ADAMTS2: variants seen among roughly 807,000 people sequenced by gnomAD.
ADAMTS2 encodes the protein A disintegrin and metalloproteinase with thrombospondin motifs 2.
In ADAMTS2, 50 loss-of-function variants were observed where a neutral mutation model predicts 123.0. That is an observed-to-expected ratio of 0.41 (90% CI 0.32 to 0.51). ADAMTS2 has a LOEUF of 0.51. Ranked by LOEUF, ADAMTS2 falls within the 20% of genes least tolerant of loss-of-function variation. The pLI, the probability that ADAMTS2 is intolerant of heterozygous loss-of-function variation, is 0.35. For missense variants in ADAMTS2, 1,494 were observed against 1,705.2 expected, an observed-to-expected ratio of 0.88 and a Z score of 2.18; for synonymous variants, 678 against 695.4, an observed-to-expected ratio of 0.98 and a Z score of 0.39.
chr5:179,219,366 G>A (rs575448242), intron 3 of ADAMTS2, among the ~76,000 whole-genome samples: 1 of 152,190 alleles, frequency 6.6e-6, no homozygotes, highest in Non-Finnish European at 1.5e-5. Flanking sequence ...GCAACCACGA[G>A]AGTCCTGTGT....
chr5:179,283,743 T>C (rs1434279105), intron 2 of ADAMTS2, among the ~76,000 whole-genome samples: 2 of 151,158 alleles, frequency 1.3e-5, no homozygotes, highest in African/African-American at 4.9e-5. Flanking sequence ...AATACAAAAT[T>C]AGCCAGACGT....
rs762961509 is a variant in ADAMTS2, at chr5:179,115,773, A to G, written c.3179-1449T>C. ...TCTGACAGTTATCCCATACACCAAC[A>G]TATGACACAATCTACACCTGAAGCT... On this transcript the variant is annotated intron_variant, in intron 21 of 21. Coordinates refer to ENST00000251582, the MANE Select transcript of ADAMTS2 (RefSeq NM_014244.5). This position sits in a 1 kb window ranked among gnomAD's most constrained non-coding sequence, Gnocchi z 4.4. 7.9e-5 allele frequency among the ~76,000 whole-genome samples: 12 copies of G among 151,768 alleles called. 1 individual carries two copies. Among genetic ancestry groups the G allele is most frequent in the Non-Finnish European group, 1.8e-4 (12 of 67,912 alleles).
At chr5:179,329,959 T>C (rs537427643) in intron 2 of ADAMTS2, among the ~76,000 whole-genome samples, 1 of 151,396 alleles carries the variant, frequency 6.6e-6, no homozygotes, top group Admixed American at 6.6e-5. Context: ...ACCCCGTCTC[T>C]ACTAAAAATA....
chr5:179,328,194 G>A (rs921408168), intron 2 of ADAMTS2, among the ~76,000 whole-genome samples: 19 of 152,260 alleles, frequency 1.2e-4, no homozygotes, highest in South Asian at 4.1e-4. Flanking sequence ...CACCACGCCC[G>A]GCTAATTTTT....
At chr5:179,137,416 C>A (rs1376500740) in intron 12 of ADAMTS2, among the ~76,000 whole-genome samples, 1 of 152,266 alleles carries the variant, frequency 6.6e-6, no homozygotes, top group Non-Finnish European at 1.5e-5. Context: ...CACCAGATTC[C>A]TTGGCAGGGT....
chr5:179,270,221 G>A (rs186212075), intron 3 of ADAMTS2, among the ~76,000 whole-genome samples: 15 of 152,214 alleles, frequency 9.9e-5, no homozygotes, highest in Admixed American at 9.1e-4. Context: ...AGATCACCCT[G>A]AGCAGCCCGT....
intron 5 of ADAMTS2, among the ~76,000 whole-genome samples, chr5:179,167,258 G>T (rs1763720087): frequency 6.6e-6 from 1 of 152,106 alleles, no homozygotes; most frequent in Middle Eastern, 3.4e-3. Flanking sequence ...GGCAGAGGAA[G>T]GGCCGGGCCC....
At chr5:179,206,905 C>T (rs766245705) in intron 4 of ADAMTS2, among the ~76,000 whole-genome samples, 1 of 152,128 alleles carries the variant, frequency 6.6e-6, no homozygotes, top group Non-Finnish European at 1.5e-5. Context: ...ACATAGACAC[C>T]CCTTTCAATA....
At chr5:179,184,432 A>G (rs1412837875) in intron 4 of ADAMTS2, among the ~76,000 whole-genome samples, 1 of 150,288 alleles carries the variant, frequency 6.7e-6, no homozygotes, top group Non-Finnish European at 1.5e-5. Flanking sequence ...AATCACTTGA[A>G]CCCAGGAGGC....
In ADAMTS2 at chr5:179,129,732, G is replaced by T. The variant is rs1348657516; in HGVS notation, c.2457+200C>A. Among the ~76,000 whole-genome samples the T allele has an allele frequency of 6.6e-6, 1 of 152,176 alleles. No individual in the cohort carries two copies. The highest frequency in any genetic ancestry group is 1.5e-5 in the Non-Finnish European group (1 of 68,034). ...GCCCAAGGTCACCTAGGGGTCATGTGGGGTCCAGAGCCCCGGCTCGTGGAT... is the reference window on the plus strand; with the variant it reads ...GCCCAAGGTCACCTAGGGGTCATGTTGGGTCCAGAGCCCCGGCTCGTGGAT... On this transcript the variant is annotated intron_variant, in intron 16 of 21. Coordinates refer to ENST00000251582, the MANE Select transcript of ADAMTS2 (RefSeq NM_014244.5). The surrounding 1 kb of genome is among the most constrained non-coding windows in gnomAD (Gnocchi z 4.1).
At chr5:179,186,041 C>A (rs1454077142) in intron 4 of ADAMTS2, among the ~76,000 whole-genome samples, 1 of 152,126 alleles carries the variant, frequency 6.6e-6, no homozygotes, top group African/African-American at 2.4e-5. Context: ...CCCTTCCACA[C>A]CAGCACAGCA....
chr5:179,169,904 T>C (rs1763781562), intron 5 of ADAMTS2, among the ~76,000 whole-genome samples: 1 of 152,246 alleles, frequency 6.6e-6, no homozygotes, highest in Non-Finnish European at 1.5e-5. Context: ...CTTTATGTCC[T>C]TCTCTGATGC....
chr5:179,233,989 G>A (rs1028268568), intron 3 of ADAMTS2, among the ~76,000 whole-genome samples: 1 of 152,134 alleles, frequency 6.6e-6, no homozygotes, highest in Non-Finnish European at 1.5e-5. Flanking sequence ...AAAAGGTAGT[G>A]GTGTCACTAA....
At position 179,207,568 on chromosome 5, in the gene ADAMTS2, A is replaced by G; in HGVS notation, c.836T>C (p.Val279Ala). The stretch of plus-strand genomic sequence containing the variant: ...TACGTGCTCCTTCCCGTGGAACTGC[A>G]CCACAGAGTCATCCACGCCCAGCAG... ...EVLLGVDDSV[V>A]QFHGKEHVQK... is the part of the protein sequence containing the mutation. The change falls in exon 4 of 22, where the codon GTG becomes GCG. Residue 279 changes from valine (V) to alanine (A), a missense_variant. Transcript: ENST00000251582. 1.2e-6 allele frequency: 2 copies of G among 1,609,384 alleles called. No individual in the cohort carries two copies. Among genetic ancestry groups the G allele is most frequent in the Non-Finnish European group, 1.7e-6 (2 of 1,178,404 alleles).
intron 3 of ADAMTS2, among the ~76,000 whole-genome samples, chr5:179,253,994 T>C (rs555729013): frequency 6.6e-6 from 1 of 152,156 alleles, no homozygotes; most frequent in Non-Finnish European, 1.5e-5. Flanking sequence ...CTCTAATATA[T>C]GCCATCCCAG....
intron 2 of ADAMTS2, among the ~76,000 whole-genome samples, chr5:179,293,427 C>T (rs181641373): frequency 3.7e-4 from 57 of 152,346 alleles, no homozygotes; most frequent in Non-Finnish European, 6.8e-4. Context: ...GAGTCAGAGC[C>T]GTGCGCTGAG....
chr5:179,273,173 A>T, intron 2 of ADAMTS2, 109 bp from the exon 3 acceptor site: 1 of 1,520,890 alleles, frequency 6.6e-7, no homozygotes, highest in South Asian at 1.1e-5. Context: ...GACCCTGCCC[A>T]GCACCCCAGC....
Position 179,168,420 on chromosome 5 carries a change from C to T in ADAMTS2, c.976-9541G>A, listed in dbSNP as rs538635196. 7.9e-5 allele frequency among the ~76,000 whole-genome samples: 12 copies of T among 152,268 alleles called. No homozygotes were observed. The East Asian group carries it at 2.3e-3, about 29-fold the overall frequency. ...CAGAGTGGCTCCACCAGCGTGTGGC[C>T]CCGGGCAGGCCGCTCGCCCCCTGGA... is the stretch of plus-strand genomic sequence containing the variant. On this transcript the variant is annotated intron_variant, in intron 5 of 21. Coordinates refer to ENST00000251582, the MANE Select transcript of ADAMTS2 (RefSeq NM_014244.5).
chr5:179,207,469 T>TGTCCC, intron 4 of ADAMTS2, 44 bp downstream of exon 4: 2 of 1,483,346 alleles, frequency 1.3e-6, no homozygotes, highest in Non-Finnish European at 1.9e-6. Context: ...AGCCCCTGGT[T>TGTCCC]GACCCTCCCC....
Sources: allele counts gnomAD v4.1 joint callset (sites outside exome capture counted in the v4.1 genomes callset), GRCh38; gene constraint gnomAD v4.1.1; non-coding constraint Gnocchi (gnomAD v3.1); transcripts MANE v1.5; gene names NCBI Gene and HGNC (gene_info 2026-07-23, HGNC 2026-07-21).